Variants in SAMD12 observed in about 807,000 individuals in gnomAD.
SAMD12 encodes sterile alpha motif domain-containing protein 12.
In SAMD12, 9 loss-of-function variants were observed where a neutral mutation model predicts 15.0. That is an observed-to-expected ratio of 0.60 (90% confidence interval 0.36 to 1.05). SAMD12 has a LOEUF of 1.05. Among genes scored for constraint, SAMD12 ranks in the 50% least tolerant of loss-of-function variants. SAMD12 has a pLI of 0.01. For synonymous variants in SAMD12, 86 were observed against 90.1 expected (o/e 0.96, Z 0.25); for missense variants, 230 against 234.2 (o/e 0.98, Z 0.12).
chr8:118,567,449 T>C (rs1281097766), intron 2 of SAMD12, among the ~76,000 whole-genome samples: 1 of 152,214 alleles, frequency 6.6e-6, no homozygotes, highest in Non-Finnish European at 1.5e-5. Context: ...TCCTCATCTA[T>C]TCAGTACAAC....
intron 3 of SAMD12, among the ~76,000 whole-genome samples, chr8:118,430,329 C>T (rs748599069): frequency 6.7e-5 from 10 of 150,290 alleles, no homozygotes; most frequent in Non-Finnish European, 1.0e-4. Context: ...AGAATTGTTA[C>T]GTCTTCTTGG....
chr8:118,586,344 C>CTTTTTTTTTTTT (rs869191799), intron 1 of SAMD12, among the ~76,000 whole-genome samples: 1 of 139,906 alleles, frequency 7.1e-6, no homozygotes. Context: ...CTTTTTCTTT[C>CTTTTTTTTTTTT]TTTTTTTTTT....
At chr8:118,181,544 C>A in the SAMD12 span, among the ~76,000 whole-genome samples, 2 of 152,156 alleles carry the variant, frequency 1.3e-5, no homozygotes, top group Non-Finnish European at 2.9e-5. Context: ...CAATCAGGGT[C>A]CATTTTCAGG....
chr8:118,241,054 T>A (rs1174195656), intron 4 of SAMD12, among the ~76,000 whole-genome samples: 1 of 152,202 alleles, frequency 6.6e-6, no homozygotes, highest in African/African-American at 2.4e-5. Context: ...ATTAGTGCCA[T>A]CCCTGGGATA....
intron 4 of SAMD12, among the ~76,000 whole-genome samples, chr8:118,368,487 AG>A (rs1400924385): frequency 6.6e-6 from 1 of 152,164 alleles, no homozygotes; most frequent in Non-Finnish European, 1.5e-5. Flanking sequence ...CACTCAAAGC[AG>A]GTGAGTGGCT....
intron 3 of SAMD12, among the ~76,000 whole-genome samples, chr8:118,406,110 G>C (rs1243076806): frequency 6.6e-6 from 1 of 151,828 alleles, no homozygotes; most frequent in Admixed American, 6.6e-5. Context: ...TACTACAAAA[G>C]AGAAGAGTCT....
At chr8:118,455,760 T>C (rs562269018) in intron 2 of SAMD12, among the ~76,000 whole-genome samples, 6 of 152,338 alleles carry the variant, frequency 3.9e-5, no homozygotes, top group African/African-American at 1.2e-4. Context: ...AGTTTCTACA[T>C]CCTGGTAGAT....
intron 3 of SAMD12, among the ~76,000 whole-genome samples, chr8:118,428,456 T>C (rs1367301349): frequency 1.3e-5 from 2 of 151,990 alleles, no homozygotes; most frequent in Admixed American, 6.6e-5. Flanking sequence ...AAAAGACCAA[T>C]TTATCAATTT....
intron 2 of SAMD12, among the ~76,000 whole-genome samples, chr8:118,483,824 A>G (rs1484891299): frequency 6.6e-6 from 1 of 152,160 alleles, no homozygotes; most frequent in Admixed American, 6.6e-5. Flanking sequence ...TCTTACCCCC[A>G]TTTCGTTGAC....
chr8:118,155,593 G>A, the SAMD12 span, among the ~76,000 whole-genome samples: 1 of 152,188 alleles, frequency 6.6e-6, no homozygotes, highest in Admixed American at 6.5e-5. Context: ...GGAAATTGAT[G>A]TGCTCCAAGG....
At chr8:118,467,860 C>A (rs1471074352) in intron 2 of SAMD12, among the ~76,000 whole-genome samples, 1 of 152,178 alleles carries the variant, frequency 6.6e-6, no homozygotes, top group Non-Finnish European at 1.5e-5. Flanking sequence ...CGCCAAGACA[C>A]TCTGTCAATT....
chr8:118,580,147 C>T (rs1432354478), intron 2 of SAMD12, among the ~76,000 whole-genome samples: 1 of 152,142 alleles, frequency 6.6e-6, no homozygotes, highest in Non-Finnish European at 1.5e-5. Flanking sequence ...AAGATTGTTA[C>T]AGGGACACAA....
chr8:118,486,738 G>A (rs144930421), intron 2 of SAMD12, among the ~76,000 whole-genome samples: 24 of 152,194 alleles, frequency 1.6e-4, no homozygotes, highest in Non-Finnish European at 1.3e-4. Flanking sequence ...AAAATATACC[G>A]TAGGCAGTAT....
chr8:118,357,749 G>C (rs981727733), intron 4 of SAMD12, among the ~76,000 whole-genome samples: 8 of 152,210 alleles, frequency 5.3e-5, no homozygotes, highest in African/African-American at 1.9e-4. Context: ...CCTTAATGTA[G>C]CTTTGAGGCT....
chr8:118,131,842 G>A, the SAMD12 span, among the ~76,000 whole-genome samples: 8,841 of 152,240 alleles, frequency 0.058, 437 homozygotes, highest in Admixed American at 0.14. Flanking sequence ...GTAAGCTTCC[G>A]ACAAGTTTTA....
At chr8:118,327,649 A>G (rs796227253) in intron 4 of SAMD12, among the ~76,000 whole-genome samples, 4 of 152,326 alleles carry the variant, frequency 2.6e-5, no homozygotes, top group African/African-American at 9.6e-5. Flanking sequence ...AAAATCATGG[A>G]ATAAGGCTCT....
intron 2 of SAMD12, among the ~76,000 whole-genome samples, chr8:118,549,394 C>A (rs1196835651): frequency 1.3e-5 from 2 of 152,246 alleles, no homozygotes; most frequent in African/African-American, 4.8e-5. Context: ...GTTCTGCAGA[C>A]ACCGCTGCTG....
At chr8:118,150,614 C>T in the SAMD12 span, among the ~76,000 whole-genome samples, 1 of 152,184 alleles carries the variant, frequency 6.6e-6, no homozygotes. Context: ...AGTGATCCTC[C>T]TGCCTTGGCC....
intron 2 of SAMD12, among the ~76,000 whole-genome samples, chr8:118,495,639 T>G (rs1286875421): frequency 6.6e-6 from 1 of 151,692 alleles, no homozygotes; most frequent in African/African-American, 2.4e-5. Context: ...CTGGATGAAC[T>G]CCACGGTTAC....
Sources: allele counts gnomAD v4.1 joint callset (sites outside exome capture counted in the v4.1 genomes callset), GRCh38; gene constraint gnomAD v4.1.1; transcripts MANE v1.5; gene names NCBI Gene and HGNC (gene_info 2026-07-23, HGNC 2026-07-21).